The following ETFA variants were observed in gnomAD, a reference collection of about 807,000 sequenced individuals.
ETFA encodes the protein electron transfer flavoprotein subunit alpha, mitochondrial.
In ETFA, 22 loss-of-function variants were observed where a neutral mutation model predicts 46.2. The observed-to-expected ratio is 0.48, with a 90% CI of 0.34 to 0.68. The LOEUF is 0.68. Among genes scored for constraint, ETFA ranks in the 30% least tolerant of loss-of-function variants. The pLI is 0.01. For synonymous variants in ETFA, 131 were observed against 139.9 expected (o/e 0.94, Z 0.45); for missense variants, 345 against 401.1 (o/e 0.86, Z 1.19).
chr15:76,280,228 C>G (rs2039634311), intron 8 of ETFA, among the ~76,000 whole-genome samples: 7 of 152,158 alleles, frequency 4.6e-5, no homozygotes, highest in Admixed American at 4.6e-4. Context: ...CATGTCTACT[C>G]AGATGTCTGT....
chr15:76,284,437 C>T (rs906357176), intron 7 of ETFA: 8 of 208,138 alleles, frequency 3.8e-5, no homozygotes, highest in Non-Finnish European at 6.6e-5. Flanking sequence ...CCAGCCTGAC[C>T]AACATGCAGA....
At chr15:76,281,358 T>A (rs2141525100) in intron 8 of ETFA, among the ~76,000 whole-genome samples, 1 of 151,978 alleles carries the variant, frequency 6.6e-6, no homozygotes, top group Admixed American at 6.5e-5. Flanking sequence ...TAAACTTCAA[T>A]CTTTCCCTTC....
intron 1 of ETFA, among the ~76,000 whole-genome samples, 199 bp from the exon 2 acceptor site, chr15:76,295,936 C>CTTTTTTTTTTTTTTTTTTGTTT (rs2039817040): frequency 2.1e-5 from 1 of 46,602 alleles, no homozygotes; most frequent in Non-Finnish European, 4.2e-5. Flanking sequence ...CACTAATATT[C>CTTTTTTTTTTTTTTTTTTGTTT]TTTTTTTTTT....
intron 1 of ETFA, among the ~76,000 whole-genome samples, chr15:76,305,348 A>G (rs1226479324): frequency 2.0e-5 from 3 of 152,244 alleles, no homozygotes; most frequent in African/African-American, 7.2e-5. Context: ...CACTCAATGA[A>G]TAGTAACTAA....
chr15:76,269,117 CT>C (rs1309629561), intron 9 of ETFA, among the ~76,000 whole-genome samples: 1 of 152,160 alleles, frequency 6.6e-6, no homozygotes, highest in Admixed American at 6.5e-5. Flanking sequence ...TAATTATGTG[CT>C]TGTGCTGTCT....
intron 11 of ETFA, among the ~76,000 whole-genome samples, chr15:76,219,130 T>G (rs768935569): frequency 6.6e-6 from 1 of 151,926 alleles, no homozygotes; most frequent in Non-Finnish European, 1.5e-5. Context: ...GTTCCAGAGA[T>G]AGTAAAGAGA....
At chr15:76,249,178 G>A (rs2039271953) in intron 9 of ETFA, among the ~76,000 whole-genome samples, 1 of 149,898 alleles carries the variant, frequency 6.7e-6, no homozygotes, top group African/African-American at 2.5e-5. Flanking sequence ...GCCCAGGCTG[G>A]AGTGCAATGG....
rs548673028 is a variant in ETFA at position 76,295,495 on chromosome 15, T to C, written c.186+96A>G. On this transcript the variant is annotated intron_variant, in intron 2 of 11. Transcript: ENST00000557943. ...CATTTAATGAGGATTAGAGCCCAGTTTGGGTTACAATCCTAAGCATAATTC... is the reference window on the plus strand; with the variant it reads ...CATTTAATGAGGATTAGAGCCCAGTCTGGGTTACAATCCTAAGCATAATTC... The C allele has an allele frequency of 1.2e-5, 12 of 1,041,532 alleles. No homozygotes were observed. The East Asian group carries it at 2.1e-4, about 19-fold the overall frequency. The allele number at this position is 1,041,532 out of a possible 1,614,324, so 64.5% of individuals were successfully genotyped here.
At chr15:76,311,098 G>C (rs906843872) in intron 1 of ETFA, among the ~76,000 whole-genome samples, 4 of 152,188 alleles carry the variant, frequency 2.6e-5, no homozygotes, top group Non-Finnish European at 5.9e-5. Flanking sequence ...AGAAGAAGGG[G>C]CAGCAGACGC....
At chr15:76,277,495 AAAC>A (rs1465052763) in intron 8 of ETFA, among the ~76,000 whole-genome samples, 1 of 7,520 alleles carries the variant, frequency 1.3e-4, no homozygotes, top group African/African-American at 1.8e-4. Context: ...TTTTTGTCAA[AAAC>A]AAAAACAAAA....
At chr15:76,297,651 G>T (rs999585633) in intron 1 of ETFA, among the ~76,000 whole-genome samples, 1 of 152,068 alleles carries the variant, frequency 6.6e-6, no homozygotes, top group Non-Finnish European at 1.5e-5. Flanking sequence ...CAAGCTTTTA[G>T]AACTTCCAAC....
At chr15:76,261,091 G>T (rs1224294625) in intron 9 of ETFA, 2 of 1,519,762 alleles carry the variant, frequency 1.3e-6, no homozygotes, top group African/African-American at 1.4e-5. Flanking sequence ...TTTAGGCTGT[G>T]AACTTCACAG....
chr15:76,260,048 C>G (rs1026225762), intron 9 of ETFA: 9 of 1,483,506 alleles, frequency 6.1e-6, no homozygotes, highest in Admixed American at 1.7e-5. Context: ...ATGAGATCAG[C>G]TTTCAGCATC....
chr15:76,220,648 T>C (rs1476260699), intron 11 of ETFA, among the ~76,000 whole-genome samples: 1 of 152,252 alleles, frequency 6.6e-6, no homozygotes, highest in East Asian at 1.9e-4. Flanking sequence ...AAAGATAATG[T>C]GATTTAAAAA....
chr15:76,261,052 C>G, intron 9 of ETFA: 1 of 1,580,648 alleles, frequency 6.3e-7, no homozygotes, highest in South Asian at 1.1e-5. Flanking sequence ...TGAAGGAGAA[C>G]AGTGGCTATG....
chr15:76,293,992 A>C (rs1010421106), intron 2 of ETFA, among the ~76,000 whole-genome samples: 1 of 78,426 alleles, frequency 1.3e-5, no homozygotes, highest in Non-Finnish European at 2.7e-5. Context: ...TTTTACTGGC[A>C]AAACGGCTGG....
intron 9 of ETFA, among the ~76,000 whole-genome samples, chr15:76,255,756 T>C (rs1199966067): frequency 1.3e-5 from 2 of 152,180 alleles, no homozygotes; most frequent in African/African-American, 4.8e-5. Flanking sequence ...TAAATAGCTT[T>C]TTGGAATCCC....
At chr15:76,283,484 G>A (rs566474078) in intron 8 of ETFA, among the ~76,000 whole-genome samples, 4 of 152,100 alleles carry the variant, frequency 2.6e-5, no homozygotes, top group Admixed American at 1.3e-4. Context: ...GTGTCACTGC[G>A]CCTGGCCCAT....
intron 1 of ETFA, among the ~76,000 whole-genome samples, chr15:76,296,529 C>T (rs774851176): frequency 7.9e-5 from 12 of 152,108 alleles, no homozygotes; most frequent in Non-Finnish European, 1.8e-4. Flanking sequence ...AAGTTGATCC[C>T]TATTGTTTCA....
Sources: allele counts gnomAD v4.1 joint callset (sites outside exome capture counted in the v4.1 genomes callset), GRCh38; gene constraint gnomAD v4.1.1; transcripts MANE v1.5; gene names NCBI Gene and HGNC (gene_info 2026-07-23, HGNC 2026-07-21).